Variants in P2RY14 observed in about 807,000 individuals in gnomAD.
P2RY14 encodes the protein P2Y purinoceptor 14.
A neutral mutation model predicts 0.9 loss-of-function variants in P2RY14; 2 were observed. The observed-to-expected ratio is 2.16, with a 90% CI of 0.88 to 6.79. The LOEUF (loss-of-function observed/expected upper bound fraction) is 6.79, where lower values mean the gene tolerates loss of function less well. P2RY14 is among the 30% of genes most tolerant of loss of function. The pLI is 0.05. For synonymous variants in P2RY14, 158 were observed against 147.2 expected (o/e 1.07, Z -0.53); for missense variants, 378 against 400.1 (o/e 0.94, Z 0.47).
intron 1 of P2RY14, among the ~76,000 whole-genome samples, chr3:151,251,410 T>G (rs949851450): frequency 6.6e-6 from 1 of 152,166 alleles, no homozygotes; most frequent in Non-Finnish European, 1.5e-5. Context: ...AAATATTTCT[T>G]GACTGTTATT....
At chr3:151,226,834 C>T (rs181209617) in intron 1 of P2RY14, among the ~76,000 whole-genome samples, 7 of 152,216 alleles carry the variant, frequency 4.6e-5, no homozygotes, top group Middle Eastern at 3.4e-3. Flanking sequence ...CTATCTCCTG[C>T]GTTGATATCC....
chr3:151,237,448 C>G (rs1198422939), intron 1 of P2RY14, among the ~76,000 whole-genome samples: 3 of 139,354 alleles, frequency 2.2e-5, no homozygotes, highest in Non-Finnish European at 4.6e-5. Context: ...CTCCTGGGTT[C>G]AAGCGATTCT....
At position 151,235,585 on chromosome 3, in the gene P2RY14, G is replaced by T. The variant is rs139063691; in HGVS notation, c.-132-15943C>A. Among the ~76,000 whole-genome samples, 777 of 152,070 alleles carry T rather than the reference G, an allele frequency of 5.1e-3. 12 individuals are homozygous for T. Among genetic ancestry groups the T allele is most frequent in the African/African-American group, 0.017 (724 of 41,472 alleles). On this transcript the variant is annotated intron_variant, in intron 1 of 2. Transcript: ENST00000309170. ...TGGGCGTGCCTGTAATCCCAGTTAC[G>T]CGGGAGGCTGAGGCAGGAGAATTCC...
chr3:151,255,312 A>T (rs1476212210), intron 1 of P2RY14, among the ~76,000 whole-genome samples: 1 of 152,194 alleles, frequency 6.6e-6, no homozygotes, highest in African/African-American at 2.4e-5. Context: ...CATGTGTGAC[A>T]TGCAGTGTGA....
chr3:151,241,176 G>C (rs555973236), intron 1 of P2RY14, among the ~76,000 whole-genome samples: 6 of 152,258 alleles, frequency 3.9e-5, no homozygotes, highest in African/African-American at 1.4e-4. Context: ...TTGCCCTTTG[G>C]CATCTGGGAT....
intron 2 of P2RY14, 92 bp from the exon 3 acceptor site, chr3:151,214,432 A>G: frequency 1.2e-6 from 1 of 834,540 alleles, no homozygotes; most frequent in East Asian, 2.5e-5. Flanking sequence ...GAATATAGTC[A>G]AACCTACCAA....
At chr3:151,263,941 A>G (rs1307207579) in intron 1 of P2RY14, among the ~76,000 whole-genome samples, 1 of 152,206 alleles carries the variant, frequency 6.6e-6, no homozygotes, top group Admixed American at 6.5e-5. Flanking sequence ...AATTGTAGAA[A>G]GGCAGATAAC....
rs375962589 is a variant in P2RY14 at position 151,214,337 on chromosome 3, A to G, written c.-21T>C. On this transcript the variant is annotated 5_prime_UTR_variant, in exon 3 of 3. Coordinates refer to ENST00000309170, the MANE Select transcript of P2RY14 (RefSeq NM_014879.4). ...ATCATCTTGTAACTTCTGAAGGCAG[A>G]GGCCTGAAAAGAGGTGTGAACTGGT... is the stretch of plus-strand genomic sequence containing the variant. The G allele has an allele frequency of 6.2e-6, 10 of 1,602,012 alleles. No homozygotes were observed. In the African/African-American group the frequency reaches 1.3e-4, roughly 21 times the overall value.
chr3:151,225,883 T>A (rs536597676), intron 1 of P2RY14, among the ~76,000 whole-genome samples: 69 of 152,344 alleles, frequency 4.5e-4, no homozygotes, highest in African/African-American at 1.6e-3. Context: ...TTGCTTGCAG[T>A]TTTTGATATC....
intron 1 of P2RY14, among the ~76,000 whole-genome samples, chr3:151,252,026 C>G (rs1227145016): frequency 6.6e-6 from 1 of 152,136 alleles, no homozygotes; most frequent in Non-Finnish European, 1.5e-5. Context: ...TCTATTTAAC[C>G]TGTGTGTTTA....
intron 1 of P2RY14, among the ~76,000 whole-genome samples, chr3:151,224,074 A>T (rs1214686465): frequency 6.6e-6 from 1 of 152,204 alleles, no homozygotes; most frequent in Non-Finnish European, 1.5e-5. Flanking sequence ...TATCAACATT[A>T]GTGTCTGCAC....
intron 1 of P2RY14, among the ~76,000 whole-genome samples, chr3:151,258,260 C>T (rs1254419177): frequency 2.0e-5 from 3 of 152,308 alleles, no homozygotes; most frequent in African/African-American, 7.2e-5. Flanking sequence ...TCTTGACCCT[C>T]ACAATTGTTG....
At chr3:151,240,019 C>T (rs1170629006) in intron 1 of P2RY14, among the ~76,000 whole-genome samples, 1 of 138,096 alleles carries the variant, frequency 7.2e-6, no homozygotes, top group African/African-American at 2.8e-5. Context: ...AGGAAGTAAT[C>T]CTGATGTCTT....
At chr3:151,267,660 A>G (rs947454341) in intron 1 of P2RY14, among the ~76,000 whole-genome samples, 1 of 152,276 alleles carries the variant, frequency 6.6e-6, no homozygotes, top group Middle Eastern at 3.4e-3. Flanking sequence ...CTTGAGAGTA[A>G]TATCTTGTAA....
At chr3:151,228,931 A>T (rs1040116053) in intron 1 of P2RY14, among the ~76,000 whole-genome samples, 9 of 152,148 alleles carry the variant, frequency 5.9e-5, no homozygotes, top group African/African-American at 2.2e-4. Context: ...CCTCACTGAG[A>T]TGGTATTTGC....
intron 1 of P2RY14, among the ~76,000 whole-genome samples, chr3:151,243,012 A>G (rs1283275160): frequency 6.6e-6 from 1 of 151,854 alleles, no homozygotes; most frequent in Non-Finnish European, 1.5e-5. Context: ...AAGAAAGGGT[A>G]TCAGCGATGG....
At chr3:151,263,140 G>T (rs1739216044) in intron 1 of P2RY14, among the ~76,000 whole-genome samples, 1 of 152,176 alleles carries the variant, frequency 6.6e-6, no homozygotes, top group Non-Finnish European at 1.5e-5. Flanking sequence ...TGGGTGCAGA[G>T]ATGGATCAAC....
intron 1 of P2RY14, among the ~76,000 whole-genome samples, chr3:151,241,624 G>GTA (rs997319387): frequency 1.2e-4 from 18 of 151,930 alleles, no homozygotes; most frequent in African/African-American, 4.4e-4. Flanking sequence ...ATGTGTGTGT[G>GTA]TATATACACA....
intron 1 of P2RY14, among the ~76,000 whole-genome samples, chr3:151,274,435 T>A (rs1231889277): frequency 6.6e-6 from 1 of 152,208 alleles, no homozygotes; most frequent in African/African-American, 2.4e-5. Context: ...ATAGGCATAT[T>A]TATAGTGGGG....
Sources: gnomAD v4.1 joint callset for allele counts (sites outside exome capture counted in the v4.1 genomes callset) on GRCh38, gnomAD v4.1.1 for gene constraint, MANE v1.5 for transcripts, NCBI Gene and HGNC (gene_info 2026-07-23, HGNC 2026-07-21) for gene names.